DBNL: variants seen among roughly 807,000 people sequenced by gnomAD.
DBNL encodes the protein drebrin-like protein.
Under a neutral mutation model 62.2 loss-of-function variants are expected in DBNL, and 35 were observed. The observed-to-expected ratio is 0.56, with a 90% CI of 0.43 to 0.75. The LOEUF is 0.75. Ranked by LOEUF, DBNL falls within the 30% of genes least tolerant of loss-of-function variation. DBNL has a pLI of 0.00. For missense variants in DBNL, 495 were observed against 578.4 expected, an observed-to-expected ratio of 0.86 and a Z score of 1.48; for synonymous variants, 197 against 218.0, an observed-to-expected ratio of 0.90 and a Z score of 0.85.
chr7:44,060,929 A>G lies in DBNL; in HGVS notation c.*13A>G. The G allele has an allele frequency of 6.2e-7, 1 of 1,611,132 alleles. No individual in the cohort carries two copies. The highest frequency in any genetic ancestry group is 8.5e-7 in the Non-Finnish European group (1 of 1,178,234). On this transcript the variant is annotated 3_prime_UTR_variant, in exon 13 of 13. Coordinates refer to ENST00000448521, the MANE Select transcript of DBNL (RefSeq NM_001014436.3). The surrounding 1 kb of genome is among the most constrained non-coding windows in gnomAD (Gnocchi z 6.3). ...GCTCATTGAGTGAGGCTGAGGGCAC[A>G]TCTTGCCCTTCCCCTCTCAGACATG... is the stretch of plus-strand genomic sequence containing the variant.
chr7:44,059,769 A>G lies in DBNL; in HGVS notation c.1047+111A>G. 2 of 1,083,404 alleles carry G rather than the reference A, an allele frequency of 1.8e-6. No homozygotes were observed. Among genetic ancestry groups the G allele is most frequent in the Non-Finnish European group, 1.3e-6 (1 of 761,136 alleles). 67.1% of individuals were successfully genotyped at this position (1,083,404 alleles called of 1,614,324 possible). A position where few individuals can be genotyped will look rare whatever the true frequency, so the allele number is the denominator to read the frequency against. ...ATGCAACAGGTTTTAAAGCACATGC[A>G]TTTTTGGAGCAGCCCTGTGTTATAA... On this transcript the variant is annotated intron_variant, in intron 11 of 12. Coordinates refer to ENST00000448521, the MANE Select transcript of DBNL (RefSeq NM_001014436.3). This position sits in a 1 kb window ranked among gnomAD's most constrained non-coding sequence, Gnocchi z 4.1.
chr7:44,047,913 T>G (rs1197730536), intron 1 of DBNL, among the ~76,000 whole-genome samples: 1 of 75,560 alleles, frequency 1.3e-5, no homozygotes, highest in African/African-American at 6.7e-5. Flanking sequence ...TGAGTCCCTT[T>G]TTTTTTTTTT....
In DBNL at chr7:44,065,164, C is replaced by T. The variant is rs143830182; in HGVS notation, c.*4248C>T. 9,730 of 1,613,928 alleles carry T rather than the reference C, an allele frequency of 6.0e-3. 43 individuals are homozygous for T. Among genetic ancestry groups the T allele is most frequent in the Non-Finnish European group, 7.1e-3 (8,412 of 1,179,996 alleles). On this transcript the variant is annotated 3_prime_UTR_variant, in exon 13 of 13. Coordinates refer to ENST00000448521, the MANE Select transcript of DBNL (RefSeq NM_001014436.3). ...GGTGCTTCTCGTCCATCGGGGGCGG[C>T]GGGATGTCGAAGGAGCGCCTCCAGA...
At chr7:44,049,566 C>T (rs748803765) in intron 1 of DBNL, among the ~76,000 whole-genome samples, 2 of 152,198 alleles carry the variant, frequency 1.3e-5, no homozygotes, top group Non-Finnish European at 2.9e-5. Flanking sequence ...CTCATGGGTA[C>T]CTGTCCGTGA....
intron 8 of DBNL, 120 bp from the exon 9 acceptor site, chr7:44,058,782 C>A: frequency 1.8e-6 from 2 of 1,103,796 alleles, no homozygotes; most frequent in Non-Finnish European, 2.6e-6. Flanking sequence ...ACATGTTTTG[C>A]CTCCTGGCCC....
chr7:44,060,290 G>C lies in DBNL; in HGVS notation c.1153+137G>C, dbSNP rs1287256790. On this transcript the variant is annotated intron_variant, in intron 12 of 12. Coordinates refer to ENST00000448521, the MANE Select transcript of DBNL (RefSeq NM_001014436.3). The surrounding 1 kb of genome is among the most constrained non-coding windows in gnomAD (Gnocchi z 6.3). The stretch of plus-strand genomic sequence containing the variant: ...AGGAGGGTGGGCGGTGCGTTTAGGG[G>C]TAGAAGCACCTCTGGAGTGGGGGTG... 1 of 752,964 alleles carries C rather than the reference G, an allele frequency of 1.3e-6. No individual in the cohort carries two copies. Among genetic ancestry groups the C allele is most frequent in the African/African-American group, 1.7e-5 (1 of 57,280 alleles). The allele number at this position is 752,964 out of a possible 1,614,324, so 46.6% of individuals were successfully genotyped here.
Position 44,058,964 on chromosome 7 carries a change from C to A in DBNL, c.816C>A (p.Ser272=), listed in dbSNP as rs752572489. 1.1e-4 allele frequency: 185 copies of A among 1,613,886 alleles called. No homozygotes were observed. Among genetic ancestry groups the A allele is most frequent in the Non-Finnish European group, 1.5e-4 (180 of 1,179,992 alleles). Residue 272 remains serine, a synonymous_variant, in exon 9 of 13, where the codon TCC becomes TCA. Coordinates refer to ENST00000448521, the MANE Select transcript of DBNL (RefSeq NM_001014436.3). ...AGGAGAGGGCCATGTCCACCACCTCCATCTCCAGTCCTCAGCCTGGTGAGC... is the reference window on the plus strand; with the variant it reads ...AGGAGAGGGCCATGTCCACCACCTCAATCTCCAGTCCTCAGCCTGGTGAGC... ...KQKERAMSTT[S]ISSPQPGKLR...
At chr7:44,049,087 T>C (rs1373591471) in intron 1 of DBNL, among the ~76,000 whole-genome samples, 1 of 152,006 alleles carries the variant, frequency 6.6e-6, no homozygotes, top group East Asian at 1.9e-4. Context: ...ACTCCTGGGC[T>C]CAAGCGACCC....
At position 44,058,593 on chromosome 7, in the gene DBNL, T is replaced by C. The variant is rs755322986; in HGVS notation, c.753+113T>C. ...GGGCAGAGGCTGCCCTGCAGTCAGCTGGGGCAGGTTGGAATCTGGGCACCT... is the reference window on the plus strand; with the variant it reads ...GGGCAGAGGCTGCCCTGCAGTCAGCCGGGGCAGGTTGGAATCTGGGCACCT... On this transcript the variant is annotated intron_variant, in intron 8 of 12. Coordinates refer to ENST00000448521, the MANE Select transcript of DBNL (RefSeq NM_001014436.3). The C allele has an allele frequency of 2.0e-3, 2,736 of 1,398,388 alleles. 6 individuals are homozygous for C. The highest frequency in any genetic ancestry group is 2.3e-3 in the Non-Finnish European group (2,310 of 1,022,988). 86.6% of individuals were successfully genotyped at this position (1,398,388 alleles called of 1,614,324 possible).
chr7:44,050,575 C>T (rs963286568), intron 2 of DBNL: 72 of 333,042 alleles, frequency 2.2e-4, no homozygotes, highest in African/African-American at 1.5e-3. Context: ...GTGGGAAGCT[C>T]ACCAGTCCCA....
intron 4 of DBNL, among the ~76,000 whole-genome samples, chr7:44,055,181 G>C (rs1361289947): frequency 1.3e-5 from 2 of 152,118 alleles, no homozygotes; most frequent in African/African-American, 4.8e-5. Flanking sequence ...AAACCATACT[G>C]TTGTCTAGGC....
At position 44,065,645 on chromosome 7, in the gene DBNL, T is replaced by G; in HGVS notation, c.*4729T>G. 1 of 1,014,502 alleles carries G rather than the reference T, an allele frequency of 9.9e-7. No individual in the cohort carries two copies. Among genetic ancestry groups the G allele is most frequent in the South Asian group, 1.3e-5 (1 of 74,424 alleles). The allele number at this position is 1,014,502 out of a possible 1,614,324, so 62.8% of individuals were successfully genotyped here. A position where few individuals can be genotyped will look rare whatever the true frequency, so the allele number is the denominator to read the frequency against. ...CACCCCAGCCAACTGCCAATCAGCA[T>G]TCCAGGCGGTGGCAGGTGACCAGTA... On this transcript the variant is annotated 3_prime_UTR_variant, in exon 13 of 13. Coordinates refer to ENST00000448521, the MANE Select transcript of DBNL (RefSeq NM_001014436.3).
chr7:44,062,512 T>G lies in DBNL; in HGVS notation c.*1596T>G, dbSNP rs2096151095. The G allele has an allele frequency of 1.8e-6, 1 of 542,502 alleles. No individual in the cohort carries two copies. Among genetic ancestry groups the G allele is most frequent in the Admixed American group, 3.1e-5 (1 of 32,044 alleles). 33.6% of individuals were successfully genotyped at this position (542,502 alleles called of 1,614,324 possible). On this transcript the variant is annotated 3_prime_UTR_variant, in exon 13 of 13. Coordinates refer to ENST00000448521, the MANE Select transcript of DBNL (RefSeq NM_001014436.3). ...CATGGTTACTAAGTGGCTCTGAAGC[T>G]TCAGGGTCACCACAGGCTTGTCCTG... is the stretch of plus-strand genomic sequence containing the variant.
In DBNL at chr7:44,062,884, G is replaced by A. The variant is rs1239826659; in HGVS notation, c.*1968G>A. 1.2e-6 allele frequency: 2 copies of A among 1,614,204 alleles called. No individual in the cohort carries two copies. Among genetic ancestry groups the A allele is most frequent in the Middle Eastern group, 1.6e-4 (1 of 6,062 alleles). ...CCTTGTTCAGCTCATACACAATGGG[G>A]ATCCCCGTGGGCAGGTTCAGCTCCA... On this transcript the variant is annotated 3_prime_UTR_variant, in exon 13 of 13. Transcript: ENST00000448521.
rs546821857 is a variant in DBNL, at chr7:44,065,345, C to T, written c.*4429C>T. 4 of 1,613,820 alleles carry T rather than the reference C, an allele frequency of 2.5e-6. No individual in the cohort carries two copies. The East Asian group carries it at 6.7e-5, about 27-fold the overall frequency. On this transcript the variant is annotated 3_prime_UTR_variant, in exon 13 of 13. Transcript: ENST00000448521. ...GATGGCCCAGAGGGTGCGGATGGCC[C>T]GCTTCAGCACTGACGTGTAGCAGAT...
At chr7:44,047,313 G>T (rs1358573608) in intron 1 of DBNL, among the ~76,000 whole-genome samples, 1 of 152,214 alleles carries the variant, frequency 6.6e-6, no homozygotes, top group Admixed American at 6.5e-5. Flanking sequence ...AGAAAAAGTG[G>T]TAGAGATATC....
rs1279896576 is a variant in DBNL, at chr7:44,059,608, G to A, written c.997G>A (p.Val333Met). 1.2e-6 allele frequency: 2 copies of A among 1,610,980 alleles called. No individual in the cohort carries two copies. Among genetic ancestry groups the A allele is most frequent in the Non-Finnish European group, 1.7e-6 (2 of 1,179,910 alleles). Residue 333 changes from valine to methionine, a missense_variant, in exon 11 of 13, where the codon GTG becomes ATG. Val to Met is a conservative substitution (Grantham distance 21, BLOSUM62 1). Coordinates refer to ENST00000448521, the MANE Select transcript of DBNL (RefSeq NM_001014436.3). The surrounding 1 kb of genome is among the most constrained non-coding windows in gnomAD (Gnocchi z 4.1). ...TCTGGTGCAGGCAGAAGAGGAGGCT[G>A]TGTATGAGGAACCTCCAGAGCAGGA... ...PCLVQAEEEA[V>M]YEEPPEQETF...
At chr7:44,050,414 C>A in intron 2 of DBNL, 134 bp downstream of exon 2, 1 of 874,972 alleles carries the variant, frequency 1.1e-6, no homozygotes, top group Non-Finnish European at 1.9e-6. Context: ...TCTGGCAGGC[C>A]TTAGGTTTCA....
intron 1 of DBNL, among the ~76,000 whole-genome samples, chr7:44,046,343 C>G (rs1305592488): frequency 6.6e-6 from 1 of 152,216 alleles, no homozygotes; most frequent in East Asian, 1.9e-4. Context: ...CCAGGTCTCT[C>G]TTCATCATCA....
Sources: allele counts gnomAD v4.1 joint callset (sites outside exome capture counted in the v4.1 genomes callset), GRCh38; gene constraint gnomAD v4.1.1; non-coding constraint Gnocchi (gnomAD v3.1); transcripts MANE v1.5; gene names NCBI Gene and HGNC (gene_info 2026-07-23, HGNC 2026-07-21).